The following ANKRD10 variants were observed in gnomAD, a reference collection of about 807,000 sequenced individuals.
ANKRD10 encodes ankyrin repeat domain-containing protein 10.
Under a neutral mutation model 27.0 loss-of-function variants are expected in ANKRD10, and 14 were observed. The observed-to-expected ratio is 0.52, with a 90% CI of 0.34 to 0.81. The LOEUF is 0.81. Ranked by LOEUF, ANKRD10 falls within the 40% of genes least tolerant of loss-of-function variation. The pLI is 0.01. For synonymous variants in ANKRD10, 250 were observed against 224.5 expected (o/e 1.11, Z -1.01); for missense variants, 493 against 544.0 (o/e 0.91, Z 0.93).
intron 1 of ANKRD10, among the ~76,000 whole-genome samples, 175 bp from the exon 2 acceptor site, chr13:110,910,945 T>C (rs2065682808): frequency 6.6e-6 from 1 of 152,210 alleles, no homozygotes; most frequent in Non-Finnish European, 1.5e-5. Context: ...TAAGATAACA[T>C]ATTCCCTTGT....
intron 3 of ANKRD10, chr13:110,905,380 T>A (rs1488286316): frequency 6.6e-6 from 1 of 152,212 alleles, no homozygotes; most frequent in African/African-American, 2.4e-5. Context: ...ACATTAAGAT[T>A]GTCCTATCAA....
At chr13:110,885,225 G>GT (rs1412893259) in intron 4 of ANKRD10, among the ~76,000 whole-genome samples, 1 of 151,944 alleles carries the variant, frequency 6.6e-6, no homozygotes, top group Non-Finnish European at 1.5e-5. Flanking sequence ...AGAGATCAGT[G>GT]TGTAAGCAGG....
intron 2 of ANKRD10, among the ~76,000 whole-genome samples, chr13:110,910,231 T>G (rs2065656303): frequency 6.6e-6 from 1 of 152,240 alleles, no homozygotes; most frequent in South Asian, 2.1e-4. Flanking sequence ...GAAGCTCACT[T>G]TGGAGCTGAC....
chr13:110,883,495 C>A lies in ANKRD10; in HGVS notation c.787+203G>T, dbSNP rs570110916. The A allele has an allele frequency of 8.9e-5, 116 of 1,308,938 alleles. No homozygotes were observed. In the African/African-American group the frequency reaches 1.6e-3, roughly 18 times the overall value. The allele number at this position is 1,308,938 out of a possible 1,614,324, so 81.1% of individuals were successfully genotyped here. The stretch of plus-strand genomic sequence containing the variant: ...ATAGTATAACATTTTTAAAAAGACA[C>A]TGGACAACAAAGTGCAAAACATCTG... On this transcript the variant is annotated intron_variant, in intron 5 of 5. Transcript: ENST00000267339.
At chr13:110,888,328 C>T (rs568353293) in intron 4 of ANKRD10, among the ~76,000 whole-genome samples, 1 of 151,800 alleles carries the variant, frequency 6.6e-6, no homozygotes, top group South Asian at 2.1e-4. Context: ...CAGTGGAAAA[C>T]GCAGACACTG....
At chr13:110,895,338 T>A (rs962226546) in intron 3 of ANKRD10, 1 of 152,226 alleles carries the variant, frequency 6.6e-6, no homozygotes, top group Admixed American at 6.5e-5. Context: ...TCCCAGCACT[T>A]TGGGAGGCCA....
intron 3 of ANKRD10, among the ~76,000 whole-genome samples, chr13:110,897,558 C>T (rs929610904): frequency 6.6e-6 from 1 of 151,756 alleles, no homozygotes; most frequent in African/African-American, 2.4e-5. Context: ...TTTTAATGGC[C>T]AAATAGTATT....
At chr13:110,900,771 T>A in intron 3 of ANKRD10, 1 of 965,638 alleles carries the variant, frequency 1.0e-6, no homozygotes. Context: ...TGGTTCATAA[T>A]ACAGGAAACT....
At chr13:110,881,398 C>T (rs532085176) in intron 5 of ANKRD10, among the ~76,000 whole-genome samples, 1 of 152,300 alleles carries the variant, frequency 6.6e-6, no homozygotes, top group Admixed American at 6.5e-5. Flanking sequence ...TGCAAGTCTT[C>T]CTGCCAATAA....
intron 3 of ANKRD10, among the ~76,000 whole-genome samples, chr13:110,899,732 T>C (rs1379968883): frequency 6.6e-6 from 1 of 152,040 alleles, no homozygotes; most frequent in African/African-American, 2.4e-5. Flanking sequence ...AGGCCACCCA[T>C]TTTCTCTCTA....
intron 4 of ANKRD10, among the ~76,000 whole-genome samples, chr13:110,890,600 T>C (rs1566457773): frequency 1.3e-5 from 2 of 152,256 alleles, no homozygotes; most frequent in Non-Finnish European, 2.9e-5. Context: ...TTTGAAGTAA[T>C]GTGCATCTTG....
intron 4 of ANKRD10, among the ~76,000 whole-genome samples, chr13:110,891,865 T>C (rs865857672): frequency 7.5e-6 from 1 of 133,660 alleles, no homozygotes; most frequent in Non-Finnish European, 1.6e-5. Flanking sequence ...TACCTTCTTA[T>C]TAAGACTTTT....
At chr13:110,906,391 A>G (rs2065536311) in intron 2 of ANKRD10, among the ~76,000 whole-genome samples, 1 of 152,166 alleles carries the variant, frequency 6.6e-6, no homozygotes, top group African/African-American at 2.4e-5. Context: ...AGTGATTTAT[A>G]AATCACTTTA....
At chr13:110,889,940 A>G (rs2065031486) in intron 4 of ANKRD10, among the ~76,000 whole-genome samples, 1 of 152,180 alleles carries the variant, frequency 6.6e-6, no homozygotes, top group Admixed American at 6.5e-5. Context: ...TTTTGTTTTT[A>G]AAGCCAAACA....
At chr13:110,912,560 T>A (rs571027563) in intron 1 of ANKRD10, among the ~76,000 whole-genome samples, 1 of 152,382 alleles carries the variant, frequency 6.6e-6, no homozygotes, top group East Asian at 1.9e-4. Context: ...GCTTTAAACC[T>A]GTTACCCTTG....
chr13:110,891,626 AGAT>A (rs766343692), intron 4 of ANKRD10, among the ~76,000 whole-genome samples: 71 of 152,198 alleles, frequency 4.7e-4, no homozygotes, highest in Non-Finnish European at 8.4e-4. Context: ...AAGGTAGAAA[AGAT>A]GATGTTGGTT....
chr13:110,879,542 C>A lies in ANKRD10; in HGVS notation c.*95G>T, dbSNP rs2064770930. On this transcript the variant is annotated 3_prime_UTR_variant, in exon 6 of 6. Transcript: ENST00000267339. ...AAAGTTGAAGTATATAAAAAACGTACAAGTTGTGACATTCGTTCAAGTTGC... is the reference window on the plus strand; with the variant it reads ...AAAGTTGAAGTATATAAAAAACGTAAAAGTTGTGACATTCGTTCAAGTTGC... 1.1e-6 allele frequency: 1 copy of A among 945,938 alleles called. No individual in the cohort carries two copies. 58.6% of individuals were successfully genotyped at this position (945,938 alleles called of 1,614,324 possible). A position where few individuals can be genotyped will look rare whatever the true frequency, so the allele number is the denominator to read the frequency against.
At chr13:110,904,391 G>T (rs2065468921) in intron 3 of ANKRD10, 1 of 150,244 alleles carries the variant, frequency 6.7e-6, no homozygotes, top group African/African-American at 2.4e-5. Context: ...TTTTTTAAAA[G>T]ACACCTACTA....
At chr13:110,899,424 T>C (rs769831088) in intron 3 of ANKRD10, among the ~76,000 whole-genome samples, 11 of 152,240 alleles carry the variant, frequency 7.2e-5, no homozygotes, top group Non-Finnish European at 1.5e-4. Flanking sequence ...AAAATAGGAC[T>C]GTGTTGTTCT....
Sources: gnomAD v4.1 joint callset for allele counts (sites outside exome capture counted in the v4.1 genomes callset) on GRCh38, gnomAD v4.1.1 for gene constraint, MANE v1.5 for transcripts, NCBI Gene and HGNC (gene_info 2026-07-23, HGNC 2026-07-21) for gene names.